Variants in TAX1BP1 observed in about 807,000 individuals in gnomAD.
The protein encoded by TAX1BP1 is tax1-binding protein 1.
Under a neutral mutation model 97.7 loss-of-function variants are expected in TAX1BP1, and 62 were observed. That is an observed-to-expected ratio of 0.63 (90% CI 0.52 to 0.78). TAX1BP1 has a LOEUF of 0.78. TAX1BP1 is among the 30% of genes least tolerant of loss of function. The pLI is 0.00. For synonymous variants in TAX1BP1, 340 were observed against 304.2 expected (o/e 1.12, Z -1.23); for missense variants, 867 against 916.1 (o/e 0.95, Z 0.69).
chr7:27,813,391 G>A (rs1374444311), intron 13 of TAX1BP1, among the ~76,000 whole-genome samples: 2 of 144,876 alleles, frequency 1.4e-5, no homozygotes, highest in Non-Finnish European at 3.0e-5. Flanking sequence ...GTCTTACTCT[G>A]TCACCCAGGC....
At chr7:27,824,698 G>A (rs373475369) in intron 15 of TAX1BP1, among the ~76,000 whole-genome samples, 1 of 151,950 alleles carries the variant, frequency 6.6e-6, no homozygotes, top group Admixed American at 6.6e-5. Flanking sequence ...TCAGTTTATC[G>A]TAGCTTGTTT....
chr7:27,757,743 AT>A (rs1459129490), intron 2 of TAX1BP1, among the ~76,000 whole-genome samples: 2 of 152,086 alleles, frequency 1.3e-5, no homozygotes, highest in Non-Finnish European at 2.9e-5. Flanking sequence ...ATCAAAACAC[AT>A]TTTTATATTT....
At chr7:27,791,114 T>G (rs1789689336) in intron 8 of TAX1BP1, among the ~76,000 whole-genome samples, 1 of 152,116 alleles carries the variant, frequency 6.6e-6, no homozygotes, top group African/African-American at 2.4e-5. Context: ...CTTTGACATA[T>G]AGAAGTTGGC....
At chr7:27,741,294 T>C (rs1054804062) in intron 1 of TAX1BP1, among the ~76,000 whole-genome samples, 5 of 141,604 alleles carry the variant, frequency 3.5e-5, no homozygotes, top group African/African-American at 9.7e-5. Context: ...GAATAGAAAC[T>C]AAAAGTGGGT....
At chr7:27,765,009 GTTTTTTTTTTT>G (rs1179797055) in intron 3 of TAX1BP1, among the ~76,000 whole-genome samples, 9 of 81,064 alleles carry the variant, frequency 1.1e-4, no homozygotes, top group Non-Finnish European at 2.4e-5. Flanking sequence ...TCTCCTCTCT[GTTTTTTTTTTT>G]TTTTTTTTTT....
intron 4 of TAX1BP1, among the ~76,000 whole-genome samples, chr7:27,767,818 G>A (rs192754409): frequency 7.9e-4 from 120 of 152,088 alleles, no homozygotes; most frequent in African/African-American, 2.5e-3. Flanking sequence ...ACTTTATAAA[G>A]AATGTGAAAA....
At chr7:27,795,754 G>T (rs1035317318) in intron 11 of TAX1BP1, among the ~76,000 whole-genome samples, 2 of 152,026 alleles carry the variant, frequency 1.3e-5, no homozygotes, top group African/African-American at 4.8e-5. Context: ...GGATTTCACC[G>T]TGTTAGCCAG....
At chr7:27,773,807 C>A (rs1032291632) in intron 5 of TAX1BP1, among the ~76,000 whole-genome samples, 3 of 151,998 alleles carry the variant, frequency 2.0e-5, no homozygotes, top group Non-Finnish European at 4.4e-5. Flanking sequence ...AACTGAGGCT[C>A]AGAGAACCAG....
intron 1 of TAX1BP1, among the ~76,000 whole-genome samples, chr7:27,743,693 A>T (rs1033592417): frequency 6.6e-6 from 1 of 151,794 alleles, no homozygotes; most frequent in Non-Finnish European, 1.5e-5. Context: ...TCTAACATTA[A>T]TTTTTTCCCC....
intron 5 of TAX1BP1, among the ~76,000 whole-genome samples, chr7:27,775,538 T>C (rs1788999307): frequency 6.6e-6 from 1 of 152,174 alleles, no homozygotes; most frequent in Non-Finnish European, 1.5e-5. Context: ...TCCAGAGTTC[T>C]CTTCTCTGTA....
At chr7:27,752,855 T>C (rs1788072583) in intron 2 of TAX1BP1, among the ~76,000 whole-genome samples, 1 of 152,236 alleles carries the variant, frequency 6.6e-6, no homozygotes, top group African/African-American at 2.4e-5. Flanking sequence ...TTGAACCTTA[T>C]GTAAATTGGC....
Position 27,817,009 on chromosome 7 carries a change from G to C in TAX1BP1, c.2056G>C (p.Asp686His). 1.2e-6 allele frequency: 2 copies of C among 1,613,948 alleles called. No individual in the cohort carries two copies. The highest frequency in any genetic ancestry group is 1.1e-5 in the South Asian group (1 of 91,066). ...SQPARNFSRP[D>H]GLEDSEDSKE... The stretch of plus-strand genomic sequence containing the variant: ...GCCTGCTCGAAACTTTAGTCGGCCT[G>C]ATGGCTTAGAGGACTCTGAGGATAG... The change falls in exon 15 of 17, where the codon GAT becomes CAT. Residue 686 changes from aspartate to histidine, a missense_variant. Transcript: ENST00000396319.
intron 13 of TAX1BP1, among the ~76,000 whole-genome samples, chr7:27,815,623 A>G (rs1288648264): frequency 6.6e-6 from 1 of 152,240 alleles, no homozygotes; most frequent in Non-Finnish European, 1.5e-5. Context: ...TGGTATCAGA[A>G]TAATACTGGC....
chr7:27,824,624 A>G (rs1791104965), intron 15 of TAX1BP1, among the ~76,000 whole-genome samples: 1 of 152,106 alleles, frequency 6.6e-6, no homozygotes. Flanking sequence ...AGAAAACAAG[A>G]ATGTTTTTGT....
At chr7:27,828,139 A>G (rs1004395622) in intron 16 of TAX1BP1, among the ~76,000 whole-genome samples, 13 of 152,232 alleles carry the variant, frequency 8.5e-5, no homozygotes, top group East Asian at 3.9e-4. Flanking sequence ...TAATGCACCA[A>G]TGATCTTGCT....
chr7:27,817,000 A>T lies in TAX1BP1; in HGVS notation c.2047A>T (p.Ser683Cys). ...VVCSQPARNF[S>C]RPDGLEDSED... ...CTGCAGCCAGCCTGCTCGAAACTTT[A>T]GTCGGCCTGATGGCTTAGAGGACTC... Residue 683 changes from serine (S) to cysteine (C), a missense_variant, in exon 15 of 17, where the codon AGT becomes TGT. Physicochemically the swap from Ser to Cys is moderately radical, Grantham distance 112 (BLOSUM62 -1). Around this residue, in one of 3 missense-constraint regions of TAX1BP1, gnomAD observed 822 missense variants for 851.4 expected, o/e 0.97. Transcript: ENST00000396319. 1.2e-6 allele frequency: 2 copies of T among 1,614,078 alleles called. No individual in the cohort carries two copies. The highest frequency in any genetic ancestry group is 1.7e-6 in the Non-Finnish European group (2 of 1,179,996).
intron 5 of TAX1BP1, among the ~76,000 whole-genome samples, chr7:27,774,958 A>G (rs1202965122): frequency 6.6e-6 from 1 of 152,160 alleles, no homozygotes; most frequent in Non-Finnish European, 1.5e-5. Context: ...GCATGTTTTG[A>G]TTGAAAACCA....
Position 27,811,800 on chromosome 7 carries a change from T to A in TAX1BP1, c.1765-4549T>A, listed in dbSNP as rs1457755197. On this transcript the variant is annotated intron_variant, in intron 13 of 16. Transcript: ENST00000396319. ...CCCCTGTCCTAGAAAACCTCTGGTC[T>A]GCTTTCTGTCCCTGTCGTTTTATGG... 3.9e-5 allele frequency among the ~76,000 whole-genome samples: 6 copies of A among 152,206 alleles called. No individual in the cohort carries two copies. In the East Asian group the frequency reaches 1.2e-3, roughly 29 times the overall value.
intron 13 of TAX1BP1, chr7:27,802,989 G>A: frequency 2.1e-6 from 2 of 954,098 alleles, no homozygotes; most frequent in Non-Finnish European, 2.9e-6. Flanking sequence ...ATTAGCTGAG[G>A]AAAATACGTG....
Sources: allele counts gnomAD v4.1 joint callset (sites outside exome capture counted in the v4.1 genomes callset), GRCh38; gene constraint gnomAD v4.1.1; regional missense constraint gnomAD v4.1.1; transcripts MANE v1.5; gene names NCBI Gene and HGNC (gene_info 2026-07-23, HGNC 2026-07-21).